KCNIP1: variants seen among roughly 807,000 people sequenced by gnomAD.
KCNIP1 encodes potassium voltage-gated channel interacting protein 1.
KCNIP1 carries 18 observed loss-of-function variants against 33.0 expected under a neutral mutation model. The ratio of observed to expected loss-of-function variants is 0.55; its 90% CI spans 0.38 to 0.81. The LOEUF is 0.81. Ranked by LOEUF, KCNIP1 falls within the 30% of genes least tolerant of loss-of-function variation. The pLI is 0.00. For synonymous variants in KCNIP1, 93 were observed against 98.3 expected, an observed-to-expected ratio of 0.95 and a Z score of 0.32; for missense variants, 238 against 271.6, an observed-to-expected ratio of 0.88 and a Z score of 0.87.
chr5:170,694,530 G>A (rs942148131), intron 1 of KCNIP1, among the ~76,000 whole-genome samples: 4 of 152,176 alleles, frequency 2.6e-5, no homozygotes, highest in African/African-American at 9.7e-5. Context: ...TCCCTGATCA[G>A]ATGGAAGCAG....
At chr5:170,444,117 A>T (rs906448154) in intron 1 of KCNIP1, among the ~76,000 whole-genome samples, 1 of 152,200 alleles carries the variant, frequency 6.6e-6, no homozygotes, top group South Asian at 2.1e-4. Context: ...GGAACAAATG[A>T]CCAGAAACTT....
At chr5:170,577,838 A>G (rs1234667350) in intron 1 of KCNIP1, among the ~76,000 whole-genome samples, 2 of 152,242 alleles carry the variant, frequency 1.3e-5, no homozygotes, top group Non-Finnish European at 2.9e-5. Flanking sequence ...AAGTCACCTA[A>G]ATGTTTGTAA....
chr5:170,735,676 G>A lies in KCNIP1; in HGVS notation c.604-83G>A, dbSNP rs1392713536. ...AGTTTTCTCCATATAGGAAACCCAT[G>A]CTTGACATTTGCTCACCAGAGTTAC... On this transcript the variant is annotated intron_variant, in intron 7 of 7. Transcript: ENST00000328939. 4.2e-6 allele frequency: 5 copies of A among 1,203,582 alleles called. No homozygotes were observed. In the African/African-American group the frequency reaches 4.5e-5, roughly 11 times the overall value. 74.6% of individuals were successfully genotyped at this position (1,203,582 alleles called of 1,614,324 possible). A position where few individuals can be genotyped will look rare whatever the true frequency, so the allele number is the denominator to read the frequency against.
At chr5:170,412,740 G>A (rs1489670735) in intron 1 of KCNIP1, among the ~76,000 whole-genome samples, 2 of 152,078 alleles carry the variant, frequency 1.3e-5, no homozygotes, top group African/African-American at 2.4e-5. Flanking sequence ...TCACCTCAGG[G>A]CCTCTGCACC....
chr5:170,706,210 G>A (rs529382908), intron 1 of KCNIP1, among the ~76,000 whole-genome samples: 4 of 152,310 alleles, frequency 2.6e-5, no homozygotes, highest in South Asian at 4.1e-4. Context: ...AACAAAGAAG[G>A]GGTTTATTAG....
chr5:170,586,988 A>G (rs980107614), intron 1 of KCNIP1, among the ~76,000 whole-genome samples: 1 of 152,202 alleles, frequency 6.6e-6, no homozygotes, highest in Non-Finnish European at 1.5e-5. Flanking sequence ...ATAGGCAACA[A>G]GTTTTTAATT....
intron 1 of KCNIP1, among the ~76,000 whole-genome samples, chr5:170,442,206 G>A (rs1756009598): frequency 6.6e-6 from 1 of 152,124 alleles, no homozygotes; most frequent in Admixed American, 6.5e-5. Context: ...TGAGGAGACA[G>A]CGTTGCAAAG....
intron 1 of KCNIP1, among the ~76,000 whole-genome samples, chr5:170,451,724 T>TGTGTGC (rs1561632487): frequency 5.7e-5 from 1 of 17,396 alleles, no homozygotes; most frequent in African/African-American, 2.8e-4. Flanking sequence ...TCTCCTGCAT[T>TGTGTGC]GTGTGTGTGT....
chr5:170,570,843 T>C (rs4269295), intron 1 of KCNIP1, among the ~76,000 whole-genome samples: 50,540 of 151,944 alleles, frequency 0.33, 9,897 homozygotes, highest in Admixed American at 0.44. Flanking sequence ...CCAAGTCAAC[T>C]GAAAATCAGC....
At chr5:170,684,841 A>C (rs1581498034) in intron 1 of KCNIP1, among the ~76,000 whole-genome samples, 1 of 152,230 alleles carries the variant, frequency 6.6e-6, no homozygotes, top group Middle Eastern at 3.4e-3. Context: ...GTTCTTCTGC[A>C]GATATAGTTA....
At position 170,566,382 on chromosome 5, in the gene KCNIP1, C is replaced by T. The variant is rs543894206; in HGVS notation, c.61+61749C>T. Among the ~76,000 whole-genome samples, 10 of 152,294 alleles carry T rather than the reference C, an allele frequency of 6.6e-5. 1 individual carries two copies. In the South Asian group the frequency reaches 1.0e-3, roughly 16 times the overall value. On this transcript the variant is annotated intron_variant, in intron 1 of 7. Transcript: ENST00000328939. ...TGCTGGGATTACAGGCGTTAGCCACCGCGCCCGGCCAACTATCCGTATTAT... is the reference window on the plus strand; with the variant it reads ...TGCTGGGATTACAGGCGTTAGCCACTGCGCCCGGCCAACTATCCGTATTAT...
chr5:170,482,168 A>T (rs1341085867), intron 1 of KCNIP1, among the ~76,000 whole-genome samples: 1 of 152,092 alleles, frequency 6.6e-6, no homozygotes, highest in Non-Finnish European at 1.5e-5. Context: ...ATATTTTCCA[A>T]CCAGCTGATA....
chr5:170,694,598 A>T (rs1762830409), intron 1 of KCNIP1, among the ~76,000 whole-genome samples: 1 of 152,216 alleles, frequency 6.6e-6, no homozygotes, highest in South Asian at 2.1e-4. Flanking sequence ...ATAGCCAAGC[A>T]CTAATAATGC....
rs760501693 is a variant in KCNIP1 at position 170,721,269 on chromosome 5, G to T, written c.257-564G>T. 2.9e-4 allele frequency among the ~76,000 whole-genome samples: 44 copies of T among 152,180 alleles called. 1 individual carries two copies. The highest frequency in any genetic ancestry group is 2.9e-5 in the Non-Finnish European group (2 of 68,038). On this transcript the variant is annotated intron_variant, in intron 3 of 7. Transcript: ENST00000328939. ...TTTGTCCCATGCAGGCCCCAGAATT[G>T]CAGTTTGCTGAGTTCCACTGAGCCA...
At chr5:170,622,682 C>G (rs1289899184) in intron 1 of KCNIP1, among the ~76,000 whole-genome samples, 2 of 149,306 alleles carry the variant, frequency 1.3e-5, no homozygotes, top group East Asian at 3.9e-4. Flanking sequence ...TGTGCAAAGA[C>G]AGGCAGAGGT....
chr5:170,444,846 C>T (rs114456352), intron 1 of KCNIP1, among the ~76,000 whole-genome samples: 1,899 of 152,150 alleles, frequency 0.012, 38 homozygotes, highest in African/African-American at 0.043. Flanking sequence ...TACTTTGGCT[C>T]CAGATGCAGT....
chr5:170,713,968 G>A (rs1008519929), intron 1 of KCNIP1, among the ~76,000 whole-genome samples: 1 of 149,528 alleles, frequency 6.7e-6, no homozygotes, highest in Non-Finnish European at 1.5e-5. Flanking sequence ...AGGTTGCAGT[G>A]AGCCGAGATC....
At chr5:170,699,555 T>TC (rs1561771758) in intron 1 of KCNIP1, among the ~76,000 whole-genome samples, 8,527 of 117,954 alleles carry the variant, frequency 0.072, 386 homozygotes, top group South Asian at 0.083. Flanking sequence ...AATTGCTCTG[T>TC]GAAAAAAAAA....
chr5:170,374,830 G>A (rs1763943746), intron 1 of KCNIP1: 1 of 152,216 alleles, frequency 6.6e-6, no homozygotes, highest in Non-Finnish European at 1.5e-5. Context: ...GCAGCAGACA[G>A]TTGTGGCATT....
Sources: allele counts gnomAD v4.1 joint callset (sites outside exome capture counted in the v4.1 genomes callset), GRCh38; gene constraint gnomAD v4.1.1; transcripts MANE v1.5; gene names NCBI Gene and HGNC (gene_info 2026-07-23, HGNC 2026-07-21).